IMPG2: variants seen among roughly 807,000 people sequenced by gnomAD.
IMPG2 encodes interphotoreceptor matrix proteoglycan 2.
IMPG2 carries 91 observed loss-of-function variants against 129.2 expected under a neutral mutation model. The ratio of observed to expected loss-of-function variants is 0.70; its 90% CI spans 0.59 to 0.84. The LOEUF (loss-of-function observed/expected upper bound fraction) is 0.84. Among genes scored for constraint, IMPG2 ranks in the 40% least tolerant of loss-of-function variants. IMPG2 has a pLI of 0.00. For missense variants in IMPG2, 1,430 were observed against 1,461.7 expected (o/e 0.98, Z 0.35); for synonymous variants, 510 against 517.7 (o/e 0.99, Z 0.20).
intron 14 of IMPG2, among the ~76,000 whole-genome samples, chr3:101,242,110 A>G (rs1162822965): frequency 1.3e-5 from 2 of 152,096 alleles, no homozygotes; most frequent in Non-Finnish European, 2.9e-5. Flanking sequence ...AGAGAGAGAG[A>G]GAGAGAAGCT....
intron 2 of IMPG2, among the ~76,000 whole-genome samples, chr3:101,318,450 T>C (rs1254909581): frequency 6.6e-6 from 1 of 152,004 alleles, no homozygotes; most frequent in African/African-American, 2.4e-5. Context: ...CCAATATACA[T>C]TGTACTACTT....
intron 14 of IMPG2, among the ~76,000 whole-genome samples, chr3:101,233,490 T>C (rs1205271530): frequency 6.6e-6 from 1 of 152,170 alleles, no homozygotes; most frequent in African/African-American, 2.4e-5. Context: ...GGGATGGGTA[T>C]AGCCCAGTAA....
intron 14 of IMPG2, among the ~76,000 whole-genome samples, chr3:101,238,465 G>A (rs1054129213): frequency 1.3e-5 from 2 of 152,198 alleles, no homozygotes; most frequent in African/African-American, 2.4e-5. Context: ...AGGGCAGCCA[G>A]AGAGAAAGGT....
chr3:101,234,928 T>C (rs1199791734), intron 14 of IMPG2, among the ~76,000 whole-genome samples: 1 of 152,154 alleles, frequency 6.6e-6, no homozygotes, highest in South Asian at 2.1e-4. Context: ...GGAGGAGAAG[T>C]TTGGATTTCA....
At chr3:101,243,396 T>G in intron 13 of IMPG2, 133 bp downstream of exon 13, 1 of 802,844 alleles carries the variant, frequency 1.2e-6, no homozygotes, top group Non-Finnish European at 2.1e-6. Flanking sequence ...ATGATACTAT[T>G]TGTGAATGAT....
Position 101,239,283 on chromosome 3 carries a change from A to C in IMPG2, c.3022+3405T>G, listed in dbSNP as rs543424780. 2.0e-5 allele frequency among the ~76,000 whole-genome samples: 3 copies of C among 152,362 alleles called. No homozygotes were observed. In the East Asian group the frequency reaches 5.8e-4, roughly 29 times the overall value. ...ATCAAAAAGTGGGTGAAGGATATGA[A>C]CAGACACTTCTCAAAAGAAAACATT... is the stretch of plus-strand genomic sequence containing the variant. On this transcript the variant is annotated intron_variant, in intron 14 of 18. Coordinates refer to ENST00000193391, the MANE Select transcript of IMPG2 (RefSeq NM_016247.4).
intron 9 of IMPG2, 93 bp from the exon 10 acceptor site, chr3:101,257,866 G>A: frequency 7.1e-7 from 1 of 1,415,096 alleles, no homozygotes; most frequent in Non-Finnish European, 9.9e-7. Context: ...TGGACCTAGA[G>A]GGGGAGTCTC....
Position 101,230,965 on chromosome 3 carries a change from ACT to A in IMPG2, c.3412_3413del (p.Pro1139LeufsTer9), listed in dbSNP as rs756885011. Reference sequence around the variant, plus strand: ...CTCTTTTCCTTATTTACCTGAAGGGACTCTCTCTTTCACTCCTGTCATGGTGT... The same window carrying A: ...CTCTTTTCCTTATTTACCTGAAGGGACTCTCTTTCACTCCTGTCATGGTGT... ...QAHHDRSERE[S>X]PFSGSSRQPD... On this transcript the variant is annotated frameshift_variant, in exon 16 of 19. Coordinates refer to ENST00000193391, the MANE Select transcript of IMPG2 (RefSeq NM_016247.4). LOFTEE classifies it high-confidence loss of function. The A allele has an allele frequency of 3.1e-6, 5 of 1,611,742 alleles. No individual in the cohort carries two copies. Among genetic ancestry groups the A allele is most frequent in the Non-Finnish European group, 4.2e-6 (5 of 1,177,928 alleles).
Position 101,223,512 on chromosome 3 carries a change from AAACAGAAAT to A in IMPG2, c.*3448_*3456del, listed in dbSNP as rs1706187295. ...AAGATGTCAAAGTACCCATTGCTGA[AAACAGAAAT>A]AACATAAAGCTACCAAAAAAATCAT... On this transcript the variant is annotated 3_prime_UTR_variant, in exon 19 of 19. Coordinates refer to ENST00000193391, the MANE Select transcript of IMPG2 (RefSeq NM_016247.4). The A allele has an allele frequency of 6.6e-6, 1 of 152,226 alleles. No individual in the cohort carries two copies. The highest frequency in any genetic ancestry group is 1.5e-5 in the Non-Finnish European group (1 of 68,042). 9.4% of individuals were successfully genotyped at this position (152,226 alleles called of 1,614,324 possible).
chr3:101,246,915 T>C (rs1706485489), intron 11 of IMPG2, among the ~76,000 whole-genome samples: 1 of 151,914 alleles, frequency 6.6e-6, no homozygotes, highest in Non-Finnish European at 1.5e-5. Context: ...CTGGGCAATA[T>C]AGCAAGACCG....
At chr3:101,280,946 CAA>C (rs200919965) in intron 4 of IMPG2, among the ~76,000 whole-genome samples, 1 of 140,774 alleles carries the variant, frequency 7.1e-6, no homozygotes, top group Non-Finnish European at 1.6e-5. Flanking sequence ...GAGACTGTTG[CAA>C]AAAAAAAAAA....
chr3:101,226,783 G>T lies in IMPG2; in HGVS notation c.*186C>A. ...ATTCAGTCTTTATAGAAATAAAAAT[G>T]GTAACATCTCTTACTACATTCTGAA... On this transcript the variant is annotated 3_prime_UTR_variant, in exon 19 of 19. Coordinates refer to ENST00000193391, the MANE Select transcript of IMPG2 (RefSeq NM_016247.4). 1.7e-6 allele frequency: 1 copy of T among 601,696 alleles called. No homozygotes were observed. Among genetic ancestry groups the T allele is most frequent in the Non-Finnish European group, 3.0e-6 (1 of 338,616 alleles). 37.3% of individuals were successfully genotyped at this position (601,696 alleles called of 1,614,324 possible).
At chr3:101,262,357 C>T (rs1706679305) in intron 9 of IMPG2, among the ~76,000 whole-genome samples, 1 of 151,584 alleles carries the variant, frequency 6.6e-6, no homozygotes, top group Non-Finnish European at 1.5e-5. Flanking sequence ...TAAATGCTTA[C>T]AGAGAGAGAG....
chr3:101,280,070 G>C (rs892438754), intron 4 of IMPG2, among the ~76,000 whole-genome samples: 1 of 152,202 alleles, frequency 6.6e-6, no homozygotes, highest in Non-Finnish European at 1.5e-5. Flanking sequence ...CCACAAAGTT[G>C]AAGCTGTTCA....
intron 4 of IMPG2, among the ~76,000 whole-genome samples, chr3:101,287,288 T>A (rs1020436361): frequency 2.6e-5 from 4 of 152,140 alleles, no homozygotes; most frequent in African/African-American, 9.7e-5. Context: ...ATTGGAAGAA[T>A]CAATGTCATT....
At chr3:101,234,368 T>G (rs513154) in intron 14 of IMPG2, among the ~76,000 whole-genome samples, 92,366 of 151,096 alleles carry the variant, frequency 0.61, 28,818 homozygotes, top group Admixed American at 0.68. Context: ...AAGGAAAGAG[T>G]CTTCCCTAGA....
At chr3:101,280,281 T>C (rs181924107) in intron 4 of IMPG2, among the ~76,000 whole-genome samples, 1 of 152,330 alleles carries the variant, frequency 6.6e-6, no homozygotes, top group East Asian at 1.9e-4. Flanking sequence ...CACAGGTTCA[T>C]ATGCAGATTC....
chr3:101,245,714 T>C, intron 12 of IMPG2, 88 bp downstream of exon 12: 1 of 1,247,528 alleles, frequency 8.0e-7, no homozygotes, highest in Non-Finnish European at 1.2e-6. Flanking sequence ...GCTACCATGT[T>C]TTTTTCATAG....
chr3:101,269,421 T>C, intron 8 of IMPG2, 94 bp downstream of exon 8: 1 of 771,460 alleles, frequency 1.3e-6, no homozygotes, highest in South Asian at 1.5e-5. Context: ...TTCAAACCAT[T>C]TATTGTTAGA....
Sources: gnomAD v4.1 joint callset for allele counts (sites outside exome capture counted in the v4.1 genomes callset) on GRCh38, gnomAD v4.1.1 for gene constraint, MANE v1.5 for transcripts, NCBI Gene and HGNC (gene_info 2026-07-23, HGNC 2026-07-21) for gene names.